ROBO1: variants seen among roughly 807,000 people sequenced by gnomAD.
ROBO1 encodes roundabout guidance receptor 1.
In ROBO1, 149 loss-of-function variants were observed where a neutral mutation model predicts 195.9. The ratio of observed to expected loss-of-function variants is 0.76; its 90% confidence interval spans 0.67 to 0.87. ROBO1 has a LOEUF of 0.87. ROBO1 is among the 40% of genes least tolerant of loss of function. ROBO1 has a pLI of 0.00. For synonymous variants in ROBO1, 816 were observed against 733.2 expected (o/e 1.11, Z -1.82); for missense variants, 1,933 against 2,068.3 (o/e 0.93, Z 1.27).
intron 4 of ROBO1, among the ~76,000 whole-genome samples, chr3:78,757,661 A>AAAAC (rs537683626): frequency 6.6e-6 from 1 of 152,200 alleles, no homozygotes; most frequent in African/African-American, 2.4e-5. Context: ...TATTGAATTG[A>AAAAC]AAACAAACAA....
At chr3:79,449,521 G>A (rs1436104844) in intron 2 of ROBO1, among the ~76,000 whole-genome samples, 1 of 152,098 alleles carries the variant, frequency 6.6e-6, no homozygotes, top group African/African-American at 2.4e-5. Flanking sequence ...TGTACATTTT[G>A]AATATTCTCA....
intron 4 of ROBO1, among the ~76,000 whole-genome samples, chr3:78,887,117 G>T (rs1190969203): frequency 1.3e-5 from 2 of 152,098 alleles, no homozygotes; most frequent in African/African-American, 2.4e-5. Flanking sequence ...ATTGAAGAAA[G>T]AAATTAATAT....
chr3:79,156,087 G>T (rs906973379), intron 2 of ROBO1, among the ~76,000 whole-genome samples: 1 of 151,714 alleles, frequency 6.6e-6, no homozygotes, highest in Admixed American at 6.6e-5. Context: ...CTTAGTCCTA[G>T]CCATGCTATT....
At chr3:79,415,570 G>A (rs886716485) in intron 2 of ROBO1, among the ~76,000 whole-genome samples, 3 of 152,060 alleles carry the variant, frequency 2.0e-5, no homozygotes, top group African/African-American at 7.2e-5. Flanking sequence ...CGAGAAATAT[G>A]GGTAGAGACC....
chr3:79,057,334 T>C (rs1327504716), intron 3 of ROBO1, among the ~76,000 whole-genome samples: 1 of 152,080 alleles, frequency 6.6e-6, no homozygotes, highest in Non-Finnish European at 1.5e-5. Context: ...GATATGTTTA[T>C]GTTTCACCAG....
intron 1 of ROBO1, among the ~76,000 whole-genome samples, chr3:79,743,071 A>G (rs1703716643): frequency 6.6e-6 from 1 of 152,208 alleles, no homozygotes; most frequent in Non-Finnish European, 1.5e-5. Flanking sequence ...TAACTCAACC[A>G]TCCATCCAAC....
At chr3:79,382,387 T>C (rs578224277) in intron 2 of ROBO1, among the ~76,000 whole-genome samples, 165 of 152,222 alleles carry the variant, frequency 1.1e-3, no homozygotes, top group African/African-American at 3.3e-3. Flanking sequence ...GGCTAACATA[T>C]AGAATTTGTG....
chr3:78,757,432 T>G (rs969569031), intron 4 of ROBO1, among the ~76,000 whole-genome samples: 1 of 47,008 alleles, frequency 2.1e-5, no homozygotes, highest in Admixed American at 3.5e-4. Context: ...CATGCGCACA[T>G]GCACACACAC....
chr3:79,155,376 A>G (rs961705319), intron 2 of ROBO1, among the ~76,000 whole-genome samples: 1 of 151,838 alleles, frequency 6.6e-6, no homozygotes, highest in Admixed American at 6.6e-5. Context: ...TAAAATAAAC[A>G]GCAAACAAAT....
chr3:79,289,686 A>C (rs1210829428), intron 2 of ROBO1, among the ~76,000 whole-genome samples: 1 of 152,196 alleles, frequency 6.6e-6, no homozygotes, highest in Non-Finnish European at 1.5e-5. Flanking sequence ...AATACATTTT[A>C]TGAAATACAA....
At chr3:79,737,656 CA>C (rs11381251) in intron 1 of ROBO1, among the ~76,000 whole-genome samples, 49 of 149,200 alleles carry the variant, frequency 3.3e-4, no homozygotes, top group Admixed American at 4.7e-4. Flanking sequence ...TTTGTCCTAT[CA>C]AAAAAAAAAA....
chr3:78,680,646 C>G (rs1472157632), intron 10 of ROBO1, among the ~76,000 whole-genome samples: 1 of 149,782 alleles, frequency 6.7e-6, no homozygotes, highest in African/African-American at 2.5e-5. Flanking sequence ...CCATCTCACA[C>G]CAGTTAGAAT....
intron 4 of ROBO1, among the ~76,000 whole-genome samples, chr3:78,791,189 C>T (rs1160778681): frequency 6.6e-6 from 1 of 152,074 alleles, no homozygotes; most frequent in Admixed American, 6.5e-5. Flanking sequence ...ATTCATTTTC[C>T]TATTGCCATG....
At chr3:79,704,140 C>A (rs1377562810) in intron 1 of ROBO1, among the ~76,000 whole-genome samples, 1 of 151,906 alleles carries the variant, frequency 6.6e-6, no homozygotes, top group Admixed American at 6.6e-5. Flanking sequence ...CCACTGTACA[C>A]AGGCATAGCC....
chr3:79,262,330 T>C (rs1303600106), intron 2 of ROBO1, among the ~76,000 whole-genome samples: 1 of 152,010 alleles, frequency 6.6e-6, no homozygotes, highest in Admixed American at 6.6e-5. Flanking sequence ...GCCCACCTAA[T>C]CAAGTTTGGG....
intron 2 of ROBO1, among the ~76,000 whole-genome samples, chr3:79,180,360 T>A (rs913483301): frequency 1.3e-5 from 2 of 152,218 alleles, no homozygotes; most frequent in Non-Finnish European, 1.5e-5. Context: ...AAAACAAATA[T>A]GACTCCCTGC....
chr3:78,832,403 T>C (rs1300109436), intron 4 of ROBO1, among the ~76,000 whole-genome samples: 1 of 152,240 alleles, frequency 6.6e-6, no homozygotes, highest in Non-Finnish European at 1.5e-5. Context: ...CCTAAATTAC[T>C]GGGCCACAGA....
At chr3:79,198,578 G>A (rs2081691008) in intron 2 of ROBO1, among the ~76,000 whole-genome samples, 1 of 152,086 alleles carries the variant, frequency 6.6e-6, no homozygotes, top group African/African-American at 2.4e-5. Flanking sequence ...TGTGAAGAAA[G>A]TCAGTGGTAG....
intron 2 of ROBO1, chr3:79,508,098 C>T (rs1420750585): frequency 1.3e-5 from 2 of 151,170 alleles, no homozygotes; most frequent in Non-Finnish European, 2.9e-5. Flanking sequence ...ACACTGGGGC[C>T]TGTTGGGGGG....
Sources: gnomAD v4.1 joint callset for allele counts (sites outside exome capture counted in the v4.1 genomes callset) on GRCh38, gnomAD v4.1.1 for gene constraint, MANE v1.5 for transcripts, NCBI Gene and HGNC (gene_info 2026-07-23, HGNC 2026-07-21) for gene names.